MINDY3: variants seen among roughly 807,000 people sequenced by gnomAD.
MINDY3 encodes the protein ubiquitin carboxyl-terminal hydrolase MINDY-3.
Under a neutral mutation model 69.2 loss-of-function variants are expected in MINDY3, and 38 were observed. The ratio of observed to expected loss-of-function variants is 0.55; its 90% CI spans 0.42 to 0.72. The LOEUF (loss-of-function observed/expected upper bound fraction) is 0.72. Ranked by LOEUF, MINDY3 falls within the 30% of genes least tolerant of loss-of-function variation. The probability of loss-of-function intolerance (pLI) is 0.00; values close to 1 mark genes in which losing one functional copy is unlikely to be tolerated. For synonymous variants in MINDY3, 192 were observed against 180.1 expected (o/e 1.07, Z -0.53); for missense variants, 522 against 519.0 (o/e 1.01, Z -0.06).
At chr10:15,818,053 A>G (rs575922337) in intron 9 of MINDY3, 13 of 152,372 alleles carry the variant, frequency 8.5e-5, no homozygotes, top group African/African-American at 2.9e-4. Context: ...AGATAAAATC[A>G]CAGTTCCAGA....
At chr10:15,822,350 G>T (rs187750615) in intron 8 of MINDY3, among the ~76,000 whole-genome samples, 28 of 152,006 alleles carry the variant, frequency 1.8e-4, no homozygotes, top group African/African-American at 5.6e-4. Flanking sequence ...ACACACACAC[G>T]GAGTGGTATG....
chr10:15,815,361 C>A (rs978648195), intron 10 of MINDY3, among the ~76,000 whole-genome samples: 2 of 152,196 alleles, frequency 1.3e-5, no homozygotes, highest in East Asian at 3.9e-4. Flanking sequence ...TGCTCTATAA[C>A]CCCTATCTGG....
intron 1 of MINDY3, among the ~76,000 whole-genome samples, chr10:15,855,449 C>T (rs1003886319): frequency 2.0e-5 from 3 of 151,400 alleles, no homozygotes; most frequent in Non-Finnish European, 4.4e-5. Flanking sequence ...CTTAACTTAC[C>T]ATAAATGGCC....
chr10:15,841,856 T>G (rs986370026), intron 3 of MINDY3, among the ~76,000 whole-genome samples: 1 of 151,734 alleles, frequency 6.6e-6, no homozygotes, highest in South Asian at 2.1e-4. Flanking sequence ...GAACTAAACA[T>G]TATGAAAGAT....
chr10:15,812,233 G>A (rs1373452107), intron 10 of MINDY3, among the ~76,000 whole-genome samples: 4 of 152,066 alleles, frequency 2.6e-5, no homozygotes, highest in African/African-American at 7.2e-5. Flanking sequence ...GAGCCCCTGC[G>A]CCCGGCCAAT....
At chr10:15,781,475 C>T (rs1836525377) in intron 14 of MINDY3, among the ~76,000 whole-genome samples, 1 of 151,104 alleles carries the variant, frequency 6.6e-6, no homozygotes, top group Non-Finnish European at 1.5e-5. Flanking sequence ...ATAATAGACA[C>T]ACAAAAAGGG....
Position 15,789,599 on chromosome 10 carries a change from C to T in MINDY3, c.956-280G>A, listed in dbSNP as rs981692465. Among the ~76,000 whole-genome samples, 5 of 152,196 alleles carry T rather than the reference C, an allele frequency of 3.3e-5. No individual in the cohort carries two copies. In the East Asian group the frequency reaches 5.8e-4, roughly 18 times the overall value. Reference sequence around the variant, plus strand: ...ACTTGATCTTTAAACAGTGTTACAGCGTTAAGTGGGTAAAATATTTTTCTA... The same window carrying T: ...ACTTGATCTTTAAACAGTGTTACAGTGTTAAGTGGGTAAAATATTTTTCTA... On this transcript the variant is annotated intron_variant, in intron 11 of 14. Transcript: ENST00000277632.
rs143993474 is a variant in MINDY3 at position 15,841,432 on chromosome 10, G to A, written c.403C>T (p.His135Tyr). The A allele has an allele frequency of 3.7e-6, 6 of 1,606,404 alleles. No individual in the cohort carries two copies. In the African/African-American group the frequency reaches 5.4e-5, roughly 14 times the overall value. The change falls in exon 4 of 15, where the codon CAT (histidine) becomes TAT (tyrosine). Residue 135 changes from histidine to tyrosine, a missense_variant. Transcript: ENST00000277632. ...SPAESSCQVEHSSALAVEELG... is the reference protein window; with the variant it reads ...SPAESSCQVEYSSALAVEELG... ...AAATAAAAATATATCTTACAAGAAT[G>A]TTCCACTTGGCAACTAGACTCTGCA...
At chr10:15,798,812 C>T (rs1021243192) in intron 10 of MINDY3, among the ~76,000 whole-genome samples, 1 of 151,784 alleles carries the variant, frequency 6.6e-6, no homozygotes. Flanking sequence ...AACCACTATG[C>T]CAACGTAGAA....
intron 8 of MINDY3, among the ~76,000 whole-genome samples, chr10:15,830,266 T>C (rs1039396066): frequency 1.3e-5 from 2 of 152,104 alleles, no homozygotes; most frequent in Non-Finnish European, 2.9e-5. Flanking sequence ...TTGATAAGAG[T>C]GCTCATTATG....
intron 10 of MINDY3, among the ~76,000 whole-genome samples, chr10:15,816,260 CAA>C (rs1164005904): frequency 1.9e-3 from 50 of 26,802 alleles, no homozygotes; most frequent in African/African-American, 7.0e-3. Context: ...GACTCCATCT[CAA>C]AAAAAAAAAA....
chr10:15,841,322 A>T, intron 4 of MINDY3, 104 bp downstream of exon 4: 1 of 862,966 alleles, frequency 1.2e-6, no homozygotes, highest in Non-Finnish European at 1.8e-6. Flanking sequence ...GGAAAAGAAT[A>T]CATGTTATGA....
chr10:15,793,809 A>C (rs925257626), intron 11 of MINDY3, among the ~76,000 whole-genome samples: 1 of 152,100 alleles, frequency 6.6e-6, no homozygotes. Flanking sequence ...CATGGAGGTA[A>C]AGTGCTTCAG....
chr10:15,806,171 C>T (rs1481670216), intron 10 of MINDY3, among the ~76,000 whole-genome samples: 1 of 152,222 alleles, frequency 6.6e-6, no homozygotes, highest in Admixed American at 6.6e-5. Flanking sequence ...AATATTCTGG[C>T]TGGGGCTGTA....
intron 10 of MINDY3, among the ~76,000 whole-genome samples, chr10:15,797,668 C>T (rs1401313887): frequency 6.6e-6 from 1 of 152,114 alleles, no homozygotes. Context: ...TTTATTTAAC[C>T]TGAACAGTAT....
intron 10 of MINDY3, among the ~76,000 whole-genome samples, chr10:15,796,790 T>A (rs560783143): frequency 2.0e-5 from 3 of 152,194 alleles, no homozygotes; most frequent in Non-Finnish European, 4.4e-5. Flanking sequence ...CATGACTAAT[T>A]TATCACAGAA....
intron 10 of MINDY3, among the ~76,000 whole-genome samples, chr10:15,797,896 A>C (rs1393335238): frequency 6.6e-6 from 1 of 152,132 alleles, no homozygotes; most frequent in African/African-American, 2.4e-5. Flanking sequence ...AGCTCCCTTA[A>C]CTATTTCTAA....
intron 10 of MINDY3, among the ~76,000 whole-genome samples, chr10:15,813,026 T>C (rs1473827038): frequency 6.6e-6 from 1 of 152,112 alleles, no homozygotes; most frequent in Non-Finnish European, 1.5e-5. Flanking sequence ...GAGAAGTCTT[T>C]TTTACCTATT....
chr10:15,833,645 C>G lies in MINDY3; in HGVS notation c.715G>C (p.Glu239Gln), dbSNP rs1452535985. The G allele has an allele frequency of 6.2e-7, 1 of 1,606,094 alleles. No homozygotes were observed. The highest frequency in any genetic ancestry group is 1.3e-5 in the African/African-American group (1 of 74,860). The stretch of plus-strand genomic sequence containing the variant: ...ATATACTTACTCATTCCTGAGCACT[C>G]TCTATCACCATCCCATACATTAGAA... ...AVSNVWDGDRECSGMKLLGIH... is the reference protein window; with the variant it reads ...AVSNVWDGDRQCSGMKLLGIH... Residue 239 changes from glutamate to glutamine, a missense_variant, in exon 8 of 15, where the codon GAG becomes CAG. By Grantham distance (29) the Glu-to-Gln change is conservative. Transcript: ENST00000277632.
Sources: gnomAD v4.1 joint callset for allele counts (sites outside exome capture counted in the v4.1 genomes callset) on GRCh38, gnomAD v4.1.1 for gene constraint, MANE v1.5 for transcripts, NCBI Gene and HGNC (gene_info 2026-07-23, HGNC 2026-07-21) for gene names.